Variants in CDH13 observed in about 807,000 individuals in gnomAD.
CDH13 encodes the protein cadherin-13.
A neutral mutation model predicts 63.8 loss-of-function variants in CDH13; 24 were observed. That is an observed-to-expected ratio of 0.38 (90% CI 0.27 to 0.53). CDH13 has a LOEUF of 0.53. Among genes scored for constraint, CDH13 ranks in the 20% least tolerant of loss-of-function variants. The pLI, the probability that CDH13 is intolerant of heterozygous loss-of-function variation, is 0.85. For missense variants in CDH13, 1,049 were observed against 903.1 expected (o/e 1.16, Z -2.07); for synonymous variants, 503 against 355.3 (o/e 1.42, Z -4.67).
At chr16:83,773,636 A>T (rs1914908848) in intron 11 of CDH13, among the ~76,000 whole-genome samples, 1 of 152,176 alleles carries the variant, frequency 6.6e-6, no homozygotes. Context: ...GGAGACACAA[A>T]GCCAAACCAT....
At chr16:83,630,847 T>C (rs1011178043) in intron 8 of CDH13, among the ~76,000 whole-genome samples, 91 of 152,232 alleles carry the variant, frequency 6.0e-4, no homozygotes, top group African/African-American at 2.2e-3. Context: ...GCTATCTTAT[T>C]AAAAATAAAA....
intron 8 of CDH13, among the ~76,000 whole-genome samples, chr16:83,613,791 C>T (rs1909057880): frequency 6.6e-6 from 1 of 152,082 alleles, no homozygotes; most frequent in African/African-American, 2.4e-5. Context: ...TGAGATCATG[C>T]CACCGCACTC....
rs143798278 is a variant in CDH13, at chr16:83,096,635, G to A, written c.367-28750G>A. Among the ~76,000 whole-genome samples the A allele has an allele frequency of 2.5e-4, 38 of 152,286 alleles. No homozygotes were observed. The East Asian group carries it at 4.4e-3, about 18-fold the overall frequency. On this transcript the variant is annotated intron_variant, in intron 3 of 13. Coordinates refer to ENST00000567109, the MANE Select transcript of CDH13 (RefSeq NM_001257.5). ...ATATGAGAAGCTGCGCTTTCCAGTC[G>A]TGTGTCAATGCAAAGTGAGCGGATT...
chr16:82,858,728 C>T, intron 2 of CDH13: 1 of 588,832 alleles, frequency 1.7e-6, no homozygotes, highest in Non-Finnish European at 3.0e-6. Flanking sequence ...GAAAAGGGGG[C>T]TGTCAGCCTC....
Position 83,081,326 on chromosome 16 carries a change from G to C in CDH13, c.367-44059G>C, listed in dbSNP as rs577431964. 8.5e-4 allele frequency among the ~76,000 whole-genome samples: 130 copies of C among 152,250 alleles called. 1 individual carries two copies. Among genetic ancestry groups the C allele is most frequent in the African/African-American group, 2.8e-3 (116 of 41,548 alleles). On this transcript the variant is annotated intron_variant, in intron 3 of 13. Transcript: ENST00000567109. ...TGGGATAGACATGGTCTATATTTCA[G>C]AGGCCTACTAGTATACAGTTGAAGA...
rs530392408 is a variant in CDH13 at position 83,244,893 on chromosome 16, C to G, written c.636+27396C>G. Among the ~76,000 whole-genome samples the G allele has an allele frequency of 1.2e-4, 18 of 152,230 alleles. No homozygotes were observed. In the South Asian group the frequency reaches 2.7e-3, roughly 23 times the overall value. On this transcript the variant is annotated intron_variant, in intron 5 of 13. Coordinates refer to ENST00000567109, the MANE Select transcript of CDH13 (RefSeq NM_001257.5). ...ATCTGGTCACATAGGCACCCTTTGC[C>G]TGATAGGTTCCAAATCCCTGACCTC...
At chr16:83,198,722 T>C (rs2038945268) in intron 4 of CDH13, among the ~76,000 whole-genome samples, 2 of 152,166 alleles carry the variant, frequency 1.3e-5, no homozygotes, top group African/African-American at 2.4e-5. Context: ...TAGTCTGTTG[T>C]ATGGGAACAG....
chr16:83,111,096 C>T (rs901951025), intron 3 of CDH13, among the ~76,000 whole-genome samples: 1 of 151,048 alleles, frequency 6.6e-6, no homozygotes, highest in Admixed American at 6.6e-5. Context: ...GGCGTGAACC[C>T]GGGAGGCGGA....
intron 5 of CDH13, among the ~76,000 whole-genome samples, chr16:83,317,517 G>A (rs143229510): frequency 6.6e-6 from 1 of 152,308 alleles, no homozygotes; most frequent in East Asian, 1.9e-4. Flanking sequence ...CTACATGGCA[G>A]TGAGCGCCAG....
intron 6 of CDH13, among the ~76,000 whole-genome samples, chr16:83,478,808 G>C (rs2073679662): frequency 2.1e-5 from 3 of 146,142 alleles, no homozygotes; most frequent in Admixed American, 1.4e-4. Context: ...CTCCCACCTG[G>C]CTGGCCAGTA....
At chr16:83,454,821 C>T (rs1300523178) in intron 6 of CDH13, among the ~76,000 whole-genome samples, 1 of 152,092 alleles carries the variant, frequency 6.6e-6, no homozygotes, top group African/African-American at 2.4e-5. Flanking sequence ...ATTCTCTTGC[C>T]TCAGCCTCCT....
At chr16:82,708,757 T>G (rs2031687807) in intron 1 of CDH13, among the ~76,000 whole-genome samples, 1 of 152,094 alleles carries the variant, frequency 6.6e-6, no homozygotes, top group Non-Finnish European at 1.5e-5. Context: ...GCTGGGCAAA[T>G]GGAGAAGCTG....
At chr16:83,433,494 T>A (rs575990008) in intron 6 of CDH13, among the ~76,000 whole-genome samples, 1 of 152,202 alleles carries the variant, frequency 6.6e-6, no homozygotes, top group East Asian at 1.9e-4. Flanking sequence ...AAGAGCATCA[T>A]TGTTTCCTTG....
At chr16:82,910,750 T>C (rs2041805171) in intron 2 of CDH13, among the ~76,000 whole-genome samples, 1 of 152,230 alleles carries the variant, frequency 6.6e-6, no homozygotes, top group South Asian at 2.1e-4. Context: ...ATTCACAGTG[T>C]TTAAAAGGAT....
intron 6 of CDH13, among the ~76,000 whole-genome samples, chr16:83,422,941 A>C (rs920419947): frequency 6.6e-6 from 1 of 152,214 alleles, no homozygotes; most frequent in East Asian, 1.9e-4. Flanking sequence ...CTGAGTACCC[A>C]CTATATGTAA....
At chr16:83,138,646 A>G (rs1227804979) in intron 4 of CDH13, among the ~76,000 whole-genome samples, 1 of 152,334 alleles carries the variant, frequency 6.6e-6, no homozygotes, top group Non-Finnish European at 1.5e-5. Flanking sequence ...AAACTACTGT[A>G]TGGAATTTGG....
In CDH13 at chr16:83,307,316, C is replaced by G. The variant is rs182035666; in HGVS notation, c.637-37546C>G. ...TCTTATCCCCAGCACGATTATTTTCCCCCTCATTTTTTCTTAAGCCCTTCT... is the reference window on the plus strand; with the variant it reads ...TCTTATCCCCAGCACGATTATTTTCGCCCTCATTTTTTCTTAAGCCCTTCT... On this transcript the variant is annotated intron_variant, in intron 5 of 13. Transcript: ENST00000567109. 3.5e-3 allele frequency among the ~76,000 whole-genome samples: 530 copies of G among 152,194 alleles called. 1 individual carries two copies. Among genetic ancestry groups the G allele is most frequent in the Non-Finnish European group, 4.3e-3 (292 of 68,010 alleles).
intron 1 of CDH13, among the ~76,000 whole-genome samples, chr16:82,703,277 C>G (rs1170529924): frequency 2.0e-5 from 3 of 152,122 alleles, no homozygotes; most frequent in Admixed American, 6.5e-5. Context: ...CCCACAGCCT[C>G]TCAGTGCCCT....
At chr16:83,648,685 CT>C (rs1255024046) in intron 8 of CDH13, among the ~76,000 whole-genome samples, 4 of 152,294 alleles carry the variant, frequency 2.6e-5, no homozygotes, top group African/African-American at 9.6e-5. Flanking sequence ...CTCAGATTTT[CT>C]TATTTAAGAC....
Sources: allele counts gnomAD v4.1 joint callset (sites outside exome capture counted in the v4.1 genomes callset), GRCh38; gene constraint gnomAD v4.1.1; transcripts MANE v1.5; gene names NCBI Gene and HGNC (gene_info 2026-07-23, HGNC 2026-07-21).